ARRDC4: variants seen among roughly 807,000 people sequenced by gnomAD.
The protein encoded by ARRDC4 is arrestin domain-containing protein 4.
ARRDC4 carries 40 observed loss-of-function variants against 44.6 expected under a neutral mutation model. That is an observed-to-expected ratio of 0.90 (90% CI 0.70 to 1.17). The LOEUF is 1.17. ARRDC4 is among the 50% of genes most tolerant of loss of function. The probability of loss-of-function intolerance (pLI) is 0.00; values close to 1 mark genes in which losing one functional copy is unlikely to be tolerated. For synonymous variants in ARRDC4, 211 were observed against 221.2 expected, an observed-to-expected ratio of 0.95 and a Z score of 0.41; for missense variants, 550 against 559.1, an observed-to-expected ratio of 0.98 and a Z score of 0.16.
Position 97,965,513 on chromosome 15 carries a change from A to G in ARRDC4, c.308-87A>G. 8.7e-7 allele frequency: 1 copy of G among 1,150,264 alleles called. No homozygotes were observed. The highest frequency in any genetic ancestry group is 1.3e-6 in the Non-Finnish European group (1 of 771,806). 71.3% of individuals were successfully genotyped at this position (1,150,264 alleles called of 1,614,324 possible). ...TATGCTGCATTTTGTAGCGAGAAAAACTTCCTTCAAAAAATTATTTACATT... is the reference window on the plus strand; with the variant it reads ...TATGCTGCATTTTGTAGCGAGAAAAGCTTCCTTCAAAAAATTATTTACATT... On this transcript the variant is annotated intron_variant, in intron 1 of 7. Transcript: ENST00000268042. This position sits in a 1 kb window ranked among gnomAD's most constrained non-coding sequence, Gnocchi z 5.1.
rs550203453 is a variant in ARRDC4, at chr15:97,973,327, T to C, written c.*2140T>C. 9.4e-4 allele frequency: 143 copies of C among 152,702 alleles called. 2 individuals carry two copies. The Middle Eastern group carries it at 0.014, about 15-fold the overall frequency. The allele number at this position is 152,702 out of a possible 1,614,324, so 9.5% of individuals were successfully genotyped here. A position where few individuals can be genotyped will look rare whatever the true frequency, so the allele number is the denominator to read the frequency against. On this transcript the variant is annotated 3_prime_UTR_variant, in exon 8 of 8. Coordinates refer to ENST00000268042, the MANE Select transcript of ARRDC4 (RefSeq NM_183376.3). ...TAAATCATGAAGTGTCCCTGTGAAA[T>C]TGAAGTGAAACTATCTCTGTAGGAC...
chr15:97,964,199 AG>A (rs147102764), intron 1 of ARRDC4, among the ~76,000 whole-genome samples: 1,561 of 152,326 alleles, frequency 0.01, 16 homozygotes, highest in African/African-American at 0.035. Context: ...TTGAAATGTC[AG>A]CTGACTTGGT....
In ARRDC4 at chr15:97,973,780, G is replaced by C. The variant is rs1899554215; in HGVS notation, c.*2593G>C. ...AACCCACAGGAAAAAAAATTACTTT[G>C]TATGCTTGTTTGAACCCTATGGGTT... is the stretch of plus-strand genomic sequence containing the variant. On this transcript the variant is annotated 3_prime_UTR_variant, in exon 8 of 8. Transcript: ENST00000268042. The C allele has an allele frequency of 6.6e-6, 1 of 151,894 alleles. No individual in the cohort carries two copies. The highest frequency in any genetic ancestry group is 2.1e-4 in the South Asian group (1 of 4,804). The allele number at this position is 151,894 out of a possible 1,614,324, so 9.4% of individuals were successfully genotyped here.
Position 97,961,213 on chromosome 15 carries a change from G to T in ARRDC4, c.307+45G>T, listed in dbSNP as rs557772875. 2,479 of 1,357,140 alleles carry T rather than the reference G, an allele frequency of 1.8e-3. 49 individuals carry two copies. In the African/African-American group the frequency reaches 0.034, roughly 19 times the overall value. The allele number at this position is 1,357,140 out of a possible 1,614,324, so 84.1% of individuals were successfully genotyped here. A position where few individuals can be genotyped will look rare whatever the true frequency, so the allele number is the denominator to read the frequency against. On this transcript the variant is annotated intron_variant, in intron 1 of 7. Coordinates refer to ENST00000268042, the MANE Select transcript of ARRDC4 (RefSeq NM_183376.3). ...TGGGGTTCCCCCGCCAGGCTGCGGG[G>T]CCGGGGAGGGGCTGGGAGGCCGCGC...
chr15:97,973,644 G>C lies in ARRDC4; in HGVS notation c.*2457G>C, dbSNP rs1596306692. ...TTTGGTGCACAAAATCCTTCTGTGG[G>C]CAAAACTTTGTTTTTGTTTTGCACA... On this transcript the variant is annotated 3_prime_UTR_variant, in exon 8 of 8. Transcript: ENST00000268042. 1 of 152,638 alleles carries C rather than the reference G, an allele frequency of 6.6e-6. No homozygotes were observed. The highest frequency in any genetic ancestry group is 3.4e-3 in the Middle Eastern group (1 of 294). 9.5% of individuals were successfully genotyped at this position (152,638 alleles called of 1,614,324 possible). A position where few individuals can be genotyped will look rare whatever the true frequency, so the allele number is the denominator to read the frequency against.
At position 97,967,960 on chromosome 15, in the gene ARRDC4, T is replaced by A; in HGVS notation, c.523-54T>A. On this transcript the variant is annotated intron_variant, in intron 3 of 7. Transcript: ENST00000268042. The surrounding 1 kb of genome is among the most constrained non-coding windows in gnomAD (Gnocchi z 5.0). ...AAGATAGATATAATTTTAAGTTCTA[T>A]GAGTTCTCTAGAGTGGCTTAATTAA... 3.5e-6 allele frequency: 4 copies of A among 1,131,962 alleles called. No individual in the cohort carries two copies. Among genetic ancestry groups the A allele is most frequent in the East Asian group, 5.2e-5 (2 of 38,740 alleles). The allele number at this position is 1,131,962 out of a possible 1,614,324, so 70.1% of individuals were successfully genotyped here.
rs1403024019 is a variant in ARRDC4, at chr15:97,971,558, G to A, written c.*371G>A. The A allele has an allele frequency of 2.4e-5, 6 of 252,956 alleles. No homozygotes were observed. Among genetic ancestry groups the A allele is most frequent in the East Asian group, 9.7e-5 (1 of 10,292 alleles). The allele number at this position is 252,956 out of a possible 1,614,324, so 15.7% of individuals were successfully genotyped here. On this transcript the variant is annotated 3_prime_UTR_variant, in exon 8 of 8. Transcript: ENST00000268042. ...CCATGGTGAAGAGTGGAACGAAGGC[G>A]ATATGAACTGAAGGGGTGAAGACTT...
chr15:97,971,110 C>T (rs1322024807), intron 7 of ARRDC4, 21 bp from the exon 8 acceptor site: 3 of 1,611,972 alleles, frequency 1.9e-6, no homozygotes, highest in Admixed American at 1.7e-5. Flanking sequence ...ACACTAATCT[C>T]AGTCCGCTCT....
In ARRDC4 at chr15:97,960,973, G is replaced by C; in HGVS notation, c.112G>C (p.Val38Leu). 2.0e-6 allele frequency: 3 copies of C among 1,465,038 alleles called. No homozygotes were observed. The highest frequency in any genetic ancestry group is 1.8e-6 in the Non-Finnish European group (2 of 1,107,304). The allele number at this position is 1,465,038 out of a possible 1,614,324, so 90.8% of individuals were successfully genotyped here. The change falls in exon 1 of 8, where the codon GTG (valine) becomes CTG (leucine). Residue 38 changes from valine (V) to leucine (L), a missense_variant. Transcript: ENST00000268042. ...GGGCTGCTATTCCAGCGGCGAGACA[G>C]TGGCCGGGCACGTGCTGCTGGAGGC... ...RKGCYSSGET[V>L]AGHVLLEASE...
rs377192709 is a variant in ARRDC4 at position 97,968,045 on chromosome 15, T to G, written c.554T>G (p.Val185Gly). ...GTATTGAAAACTCAAGAGAAAATGG[T>G]TGGCTGTTGGTTTTTCACTTCTGGT... Reference protein sequence around the residue: ...TPVLKTQEKMVGCWFFTSGPV... With the variant: ...TPVLKTQEKMGGCWFFTSGPV... The change falls in exon 4 of 8, where the codon GTT becomes GGT. Residue 185 changes from valine to glycine, a missense_variant. Physicochemically the swap from Val to Gly is moderately radical, Grantham distance 109. Coordinates refer to ENST00000268042, the MANE Select transcript of ARRDC4 (RefSeq NM_183376.3). The surrounding 1 kb of genome is among the most constrained non-coding windows in gnomAD (Gnocchi z 5.4). 2 of 1,597,916 alleles carry G rather than the reference T, an allele frequency of 1.3e-6. No individual in the cohort carries two copies. The highest frequency in any genetic ancestry group is 2.7e-5 in the African/African-American group (2 of 74,022).
chr15:97,961,234 C>G, intron 1 of ARRDC4, 66 bp downstream of exon 1: 2 of 1,312,798 alleles, frequency 1.5e-6, no homozygotes, highest in Non-Finnish European at 1.9e-6. Context: ...GCTGGGAGGC[C>G]GCGCACCCTC....
rs1371057952 is a variant in ARRDC4 at position 97,967,539 on chromosome 15, T to G, written c.523-475T>G. 1.3e-5 allele frequency among the ~76,000 whole-genome samples: 2 copies of G among 152,096 alleles called. No homozygotes were observed. Among genetic ancestry groups the G allele is most frequent in the Non-Finnish European group, 2.9e-5 (2 of 68,028 alleles). ...TGAAATTTCTGCTTGATAATGCATT[T>G]TGAAGTAAGTGGTGGGAAAAGGCTG... On this transcript the variant is annotated intron_variant, in intron 3 of 7. Coordinates refer to ENST00000268042, the MANE Select transcript of ARRDC4 (RefSeq NM_183376.3). This position sits in a 1 kb window ranked among gnomAD's most constrained non-coding sequence, Gnocchi z 5.0.
chr15:97,961,780 TTCCTCCCCATCCTCC>T (rs1329655925), intron 1 of ARRDC4, among the ~76,000 whole-genome samples: 2 of 152,086 alleles, frequency 1.3e-5, no homozygotes, highest in African/African-American at 4.8e-5. Context: ...CCGCATCCTC[TTCCTCCCCATCCTCC>T]TCCTCCCCTC....
In ARRDC4 at chr15:97,970,535, A is replaced by G; in HGVS notation, c.1046-54A>G. The G allele has an allele frequency of 6.5e-7, 1 of 1,547,484 alleles. No homozygotes were observed. Among genetic ancestry groups the G allele is most frequent in the South Asian group, 1.2e-5 (1 of 84,260 alleles). On this transcript the variant is annotated intron_variant, in intron 6 of 7. Coordinates refer to ENST00000268042, the MANE Select transcript of ARRDC4 (RefSeq NM_183376.3). This position sits in a 1 kb window ranked among gnomAD's most constrained non-coding sequence, Gnocchi z 4.2. ...TTTCTTGTTTTTGTAGCAGTTAAGAATCGAGATTAATTTTTGAGTGGATTT... is the reference window on the plus strand; with the variant it reads ...TTTCTTGTTTTTGTAGCAGTTAAGAGTCGAGATTAATTTTTGAGTGGATTT...
chr15:97,963,319 CAA>C (rs1317348604), intron 1 of ARRDC4, among the ~76,000 whole-genome samples: 1 of 152,164 alleles, frequency 6.6e-6, no homozygotes, highest in Non-Finnish European at 1.5e-5. Context: ...ACATTAAAAA[CAA>C]AACTTGAGAA....
rs138382305 is a variant in ARRDC4, at chr15:97,965,910, G to A, written c.390G>A (p.Ser130=). The change falls in exon 3 of 8, where the codon TCG becomes TCA. Residue 130 remains serine (S), a synonymous_variant. Transcript: ENST00000268042. This position sits in a 1 kb window ranked among gnomAD's most constrained non-coding sequence, Gnocchi z 5.1. ...FQLPSEPLVT[S]FTGKYGSIQY... is the part of the protein sequence containing the mutation. ...TTGGTTTCAGACCTTTGGTCACCTC[G>A]TTTACTGGGAAATATGGAAGCATTC... The A allele has an allele frequency of 9.7e-5, 156 of 1,613,812 alleles. No homozygotes were observed. Among genetic ancestry groups the A allele is most frequent in the Non-Finnish European group, 1.3e-4 (148 of 1,179,996 alleles).
At position 97,965,219 on chromosome 15, in the gene ARRDC4, C is replaced by T. The variant is rs1266352899; in HGVS notation, c.308-381C>T. Among the ~76,000 whole-genome samples the T allele has an allele frequency of 6.6e-6, 1 of 152,118 alleles. No individual in the cohort carries two copies. Among genetic ancestry groups the T allele is most frequent in the Non-Finnish European group, 1.5e-5 (1 of 68,020 alleles). On this transcript the variant is annotated intron_variant, in intron 1 of 7. Transcript: ENST00000268042. This position sits in a 1 kb window ranked among gnomAD's most constrained non-coding sequence, Gnocchi z 5.1. ...TCCAAGGTGGGAGAATCGTTTGAGG[C>T]CAGGAGTTCGAGACCAGCTTGGGCA...
chr15:97,968,991 A>G lies in ARRDC4; in HGVS notation c.626-132A>G, dbSNP rs952916251. 8.4e-6 allele frequency: 8 copies of G among 957,730 alleles called. No individual in the cohort carries two copies. In the African/African-American group the frequency reaches 9.8e-5, roughly 12 times the overall value. The allele number at this position is 957,730 out of a possible 1,614,324, so 59.3% of individuals were successfully genotyped here. A position where few individuals can be genotyped will look rare whatever the true frequency, so the allele number is the denominator to read the frequency against. On this transcript the variant is annotated intron_variant, in intron 4 of 7. Transcript: ENST00000268042. This position sits in a 1 kb window ranked among gnomAD's most constrained non-coding sequence, Gnocchi z 5.4. ...TTTATTTCTCTGGCTTGAATTTACA[A>G]TATGTTTTCCATCAAAGCTTCTCAA... is the stretch of plus-strand genomic sequence containing the variant.
intron 5 of ARRDC4, 47 bp downstream of exon 5, chr15:97,969,426 A>C (rs1159461626): frequency 1.3e-6 from 2 of 1,595,484 alleles, no homozygotes; most frequent in African/African-American, 2.7e-5. Flanking sequence ...ATGGACAATA[A>C]CTGATGTCAT....
Sources: allele counts gnomAD v4.1 joint callset (sites outside exome capture counted in the v4.1 genomes callset), GRCh38; gene constraint gnomAD v4.1.1; non-coding constraint Gnocchi (gnomAD v3.1); transcripts MANE v1.5; gene names NCBI Gene and HGNC (gene_info 2026-07-23, HGNC 2026-07-21).